The following PTPRD variants were observed in gnomAD, a reference collection of about 807,000 sequenced individuals.
The protein encoded by PTPRD is protein tyrosine phosphatase receptor type D.
A neutral mutation model predicts 214.5 loss-of-function variants in PTPRD; 34 were observed. That is an observed-to-expected ratio of 0.16 (90% confidence interval 0.12 to 0.21). The LOEUF (loss-of-function observed/expected upper bound fraction) is 0.21. PTPRD is among the 10% of genes least tolerant of loss of function. The probability of loss-of-function intolerance (pLI) is 1.00; values close to 1 mark genes in which losing one functional copy is unlikely to be tolerated. For missense variants in PTPRD, 2,545 were observed against 2,398.7 expected (o/e 1.06, Z -1.27); for synonymous variants, 1,128 against 845.7 (o/e 1.33, Z -5.79).
At chr9:9,175,471 A>C (rs2131163483) in intron 10 of PTPRD, among the ~76,000 whole-genome samples, 1 of 151,900 alleles carries the variant, frequency 6.6e-6, no homozygotes, top group East Asian at 1.9e-4. Context: ...AAATACAAAA[A>C]AATTAGCTGA....
At chr9:9,753,018 C>A (rs555100237) in intron 6 of PTPRD, among the ~76,000 whole-genome samples, 2 of 152,142 alleles carry the variant, frequency 1.3e-5, no homozygotes, top group East Asian at 3.9e-4. Flanking sequence ...AAACAAGCTG[C>A]CCCCTTTTCA....
At chr9:8,813,132 G>C (rs370939401) in intron 11 of PTPRD, among the ~76,000 whole-genome samples, 23 of 152,110 alleles carry the variant, frequency 1.5e-4, no homozygotes, top group African/African-American at 5.6e-4. Flanking sequence ...ATAATAAATG[G>C]GGCTCCAATG....
chr9:9,651,480 C>T (rs957647583), intron 7 of PTPRD, among the ~76,000 whole-genome samples: 1 of 152,014 alleles, frequency 6.6e-6, no homozygotes, highest in East Asian at 1.9e-4. Flanking sequence ...CACTTGCAAG[C>T]GAGAACATGT....
chr9:8,967,793 T>C lies in PTPRD; in HGVS notation c.-104+50904A>G, dbSNP rs557727746. 3.3e-5 allele frequency among the ~76,000 whole-genome samples: 5 copies of C among 152,264 alleles called. No individual in the cohort carries two copies. The East Asian group carries it at 9.7e-4, about 29-fold the overall frequency. On this transcript the variant is annotated intron_variant, in intron 11 of 45. Coordinates refer to ENST00000381196, the MANE Select transcript of PTPRD (RefSeq NM_002839.4). ...TTAAATTAAAGTTTTAGGGTACAAGTGCACAACGTGCAGGTGTGTTACATA... is the reference window on the plus strand; with the variant it reads ...TTAAATTAAAGTTTTAGGGTACAAGCGCACAACGTGCAGGTGTGTTACATA...
At chr9:9,211,089 G>C (rs1426995210) in intron 9 of PTPRD, among the ~76,000 whole-genome samples, 1 of 152,020 alleles carries the variant, frequency 6.6e-6, no homozygotes, top group Non-Finnish European at 1.5e-5. Context: ...GAGTGTGTGT[G>C]TGTGTGTATG....
At chr9:10,239,492 G>A (rs138699681) in intron 3 of PTPRD, among the ~76,000 whole-genome samples, 37 of 151,960 alleles carry the variant, frequency 2.4e-4, no homozygotes, top group African/African-American at 7.7e-4. Context: ...TTTTAAGTGG[G>A]GGATTTGTAC....
chr9:10,355,432 T>G (rs1431829079), intron 2 of PTPRD, among the ~76,000 whole-genome samples: 1 of 152,054 alleles, frequency 6.6e-6, no homozygotes, highest in East Asian at 1.9e-4. Context: ...CTTATAGAAC[T>G]TCTGTTCTAT....
intron 3 of PTPRD, among the ~76,000 whole-genome samples, chr9:10,281,418 A>G (rs2095104488): frequency 6.6e-6 from 1 of 152,226 alleles, no homozygotes; most frequent in African/African-American, 2.4e-5. Flanking sequence ...CCAGCATTCT[A>G]TTCATGCTTT....
intron 3 of PTPRD, among the ~76,000 whole-genome samples, chr9:10,184,226 A>G (rs144755863): frequency 3.3e-5 from 5 of 152,186 alleles, no homozygotes; most frequent in African/African-American, 1.2e-4. Flanking sequence ...GGGGTTCGAG[A>G]CCAGCCTGGC....
At chr9:9,307,181 G>C (rs1957400865) in intron 9 of PTPRD, among the ~76,000 whole-genome samples, 1 of 152,136 alleles carries the variant, frequency 6.6e-6, no homozygotes, top group Non-Finnish European at 1.5e-5. Context: ...GCAAACACAT[G>C]GCAGTTAGCT....
intron 2 of PTPRD, among the ~76,000 whole-genome samples, chr9:10,397,872 T>G (rs1401523321): frequency 6.6e-6 from 1 of 151,972 alleles, no homozygotes; most frequent in Non-Finnish European, 1.5e-5. Context: ...GTAAGTACAC[T>G]CCACGATGTT....
intron 8 of PTPRD, among the ~76,000 whole-genome samples, chr9:9,441,480 T>G (rs565911555): frequency 5.3e-5 from 8 of 152,160 alleles, no homozygotes; most frequent in African/African-American, 1.9e-4. Flanking sequence ...AGCTGGAGCA[T>G]AGAGTGCTGA....
At chr9:9,641,097 G>C (rs933603336) in intron 7 of PTPRD, among the ~76,000 whole-genome samples, 4 of 152,228 alleles carry the variant, frequency 2.6e-5, no homozygotes, top group African/African-American at 9.6e-5. Flanking sequence ...GCTTTAAATA[G>C]CTCAATGGAA....
chr9:10,455,343 C>A (rs943442610), intron 2 of PTPRD, among the ~76,000 whole-genome samples: 1 of 151,724 alleles, frequency 6.6e-6, no homozygotes, highest in Non-Finnish European at 1.5e-5. Context: ...CCTTCCATCT[C>A]TAATTTCAGT....
chr9:10,327,687 T>C (rs553512543), intron 3 of PTPRD, among the ~76,000 whole-genome samples: 3 of 151,776 alleles, frequency 2.0e-5, no homozygotes, highest in South Asian at 4.1e-4. Context: ...TTACAAGAAG[T>C]GCTATTTGAA....
intron 2 of PTPRD, among the ~76,000 whole-genome samples, chr9:10,474,758 A>G (rs1000996300): frequency 6.6e-6 from 1 of 152,180 alleles, no homozygotes; most frequent in African/African-American, 2.4e-5. Flanking sequence ...AGCAAATACA[A>G]AAGAATGGAA....
chr9:10,182,448 A>G (rs1337621111), intron 3 of PTPRD, among the ~76,000 whole-genome samples: 1 of 151,966 alleles, frequency 6.6e-6, no homozygotes, highest in Admixed American at 6.6e-5. Context: ...AAAATAGGGG[A>G]GATCAAATTG....
chr9:10,306,640 C>A (rs2096078121), intron 3 of PTPRD, among the ~76,000 whole-genome samples: 1 of 152,012 alleles, frequency 6.6e-6, no homozygotes, highest in Non-Finnish European at 1.5e-5. Context: ...AAATTAAGAG[C>A]CTTTAATTGC....
chr9:8,338,623 A>ACAGC (rs1849270707), intron 43 of PTPRD, among the ~76,000 whole-genome samples: 3 of 152,138 alleles, frequency 2.0e-5, no homozygotes, highest in Admixed American at 2.0e-4. Context: ...GAATGTAAGC[A>ACAGC]CAGCCAACCA....
Sources: gnomAD v4.1 joint callset for allele counts (sites outside exome capture counted in the v4.1 genomes callset) on GRCh38, gnomAD v4.1.1 for gene constraint, MANE v1.5 for transcripts, NCBI Gene and HGNC (gene_info 2026-07-23, HGNC 2026-07-21) for gene names.